IK: variants seen among roughly 807,000 people sequenced by gnomAD.
IK encodes the protein protein Red.
Under a neutral mutation model 90.9 loss-of-function variants are expected in IK, and 47 were observed. The ratio of observed to expected loss-of-function variants is 0.52; its 90% CI spans 0.41 to 0.66. The LOEUF (loss-of-function observed/expected upper bound fraction) is 0.66. Among genes scored for constraint, IK ranks in the 30% least tolerant of loss-of-function variants. The pLI, the probability that IK is intolerant of heterozygous loss-of-function variation, is 0.00. For synonymous variants in IK, 201 were observed against 227.5 expected (o/e 0.88, Z 1.05); for missense variants, 385 against 709.3 (o/e 0.54, Z 5.19).
At chr5:140,656,170 C>G (rs190942121) in intron 9 of IK, among the ~76,000 whole-genome samples, 178 bp downstream of exon 9, 1 of 152,310 alleles carries the variant, frequency 6.6e-6, no homozygotes, top group East Asian at 1.9e-4. Flanking sequence ...CCAGTCTAAG[C>G]TATAATCATT....
chr5:140,662,117 C>T, intron 18 of IK, 62 bp from the exon 19 acceptor site: 2 of 1,605,860 alleles, frequency 1.2e-6, no homozygotes, highest in Middle Eastern at 1.7e-4. Flanking sequence ...AGAGGTCAGC[C>T]TTGGGCCTCA....
At chr5:140,659,359 A>T (rs1757764400) in intron 13 of IK, 26 bp downstream of exon 13, 9 of 1,613,506 alleles carry the variant, frequency 5.6e-6, no homozygotes, top group Non-Finnish European at 7.6e-6. Flanking sequence ...AGCATCTCAC[A>T]GTTGCTCTAG....
rs748476681 is a variant in IK, at chr5:140,653,144, C to T, written c.404C>T (p.Ala135Val). Residue 135 changes from alanine to valine, a missense_variant and splice_region_variant, in exon 5 of 20, where the codon GCG (alanine) becomes GTG (valine). By Grantham distance (64) the Ala-to-Val change is moderately conservative. Coordinates refer to ENST00000417647, the MANE Select transcript of IK (RefSeq NM_006083.4). ...AGGGCTGTTGGCCCCACTGCTGAGG[C>T]GTGAGTACTGAGGGAACAGGGCATG... Reference protein sequence around the residue: ...NYRAVGPTAEADKSAAEKRRQ... With the variant: ...NYRAVGPTAEVDKSAAEKRRQ... 5 of 1,613,078 alleles carry T rather than the reference C, an allele frequency of 3.1e-6. No individual in the cohort carries two copies. Among genetic ancestry groups the T allele is most frequent in the Non-Finnish European group, 4.2e-6 (5 of 1,179,266 alleles).
At chr5:140,653,890 A>C (rs1238415673) in intron 5 of IK, 48 bp from the exon 6 acceptor site, 4 of 1,201,994 alleles carry the variant, frequency 3.3e-6, no homozygotes, top group East Asian at 4.8e-5. Flanking sequence ...GGCGTGATCC[A>C]CCACGCCTGG....
At position 140,661,891 on chromosome 5, in the gene IK, T is replaced by G; in HGVS notation, c.1503-8T>G. 6.2e-7 allele frequency: 1 copy of G among 1,601,768 alleles called. No homozygotes were observed. The highest frequency in any genetic ancestry group is 8.5e-7 in the Non-Finnish European group (1 of 1,173,918). On this transcript the variant is annotated splice_region_variant and splice_polypyrimidine_tract_variant and intron_variant, in intron 17 of 19. Coordinates refer to ENST00000417647, the MANE Select transcript of IK (RefSeq NM_006083.4). This position sits in a 1 kb window ranked among gnomAD's most constrained non-coding sequence, Gnocchi z 4.2. The stretch of plus-strand genomic sequence containing the variant: ...TCTGATGCATTCTTTCCCAACTGCT[T>G]TTTTCAGGGCTGCATTCCAGTATGG...
Position 140,648,493 on chromosome 5 carries a change from G to C in IK, c.39G>C (p.Leu13Phe), listed in dbSNP as rs1215642067. The C allele has an allele frequency of 6.2e-7, 1 of 1,613,924 alleles. No individual in the cohort carries two copies. The highest frequency in any genetic ancestry group is 8.5e-7 in the Non-Finnish European group (1 of 1,179,864). Reference sequence around the variant, plus strand: ...CAGGTGAGCCGTTCTCCAACCCTTTGGCCCCCGATGGCCACGATGTGGATG... The same window carrying C: ...CAGGTGAGCCGTTCTCCAACCCTTTCGCCCCCGATGGCCACGATGTGGATG... ...ERDSEPFSNP[L>F]APDGHDVDDP... is the part of the protein sequence containing the mutation. Residue 13 changes from leucine to phenylalanine, a missense_variant, in exon 2 of 20, where the codon TTG becomes TTC. Coordinates refer to ENST00000417647, the MANE Select transcript of IK (RefSeq NM_006083.4).
chr5:140,653,563 G>A (rs1162986599), intron 5 of IK, among the ~76,000 whole-genome samples: 5 of 151,048 alleles, frequency 3.3e-5, no homozygotes, highest in Non-Finnish European at 5.9e-5. Flanking sequence ...GATTACAGGC[G>A]TGAGCCACCG....
intron 1 of IK, chr5:140,648,190 G>T (rs768494158): frequency 1.4e-6 from 1 of 704,554 alleles, no homozygotes; most frequent in South Asian, 1.5e-5. Context: ...CCCCAGTCCT[G>T]TCCCCATACT....
At chr5:140,659,273 C>T in intron 12 of IK, 42 bp from the exon 13 acceptor site, 3 of 1,613,588 alleles carry the variant, frequency 1.9e-6, no homozygotes, top group East Asian at 4.5e-5. Context: ...GAGTAGGAAT[C>T]TCTCATGGTA....
chr5:140,648,574 G>A (rs759845690), intron 2 of IK, 37 bp downstream of exon 2: 3 of 1,579,750 alleles, frequency 1.9e-6, no homozygotes, highest in Non-Finnish European at 1.7e-6. Flanking sequence ...AAATGAGTTG[G>A]GCAATGAATA....
chr5:140,651,941 T>C lies in IK; in HGVS notation c.176+135T>C, dbSNP rs1017405371. 6 of 818,868 alleles carry C rather than the reference T, an allele frequency of 7.3e-6. No homozygotes were observed. In the African/African-American group the frequency reaches 1.0e-4, roughly 14 times the overall value. 50.7% of individuals were successfully genotyped at this position (818,868 alleles called of 1,614,324 possible). On this transcript the variant is annotated intron_variant, in intron 3 of 19. Transcript: ENST00000417647. ...CTCTAAAGTTTGAGAACTGCCCACC[T>C]ACAAATATTGGTGTGGATTTCTGCT...
At chr5:140,651,595 C>T (rs934500715) in intron 2 of IK, 119 bp from the exon 3 acceptor site, 73 of 600,804 alleles carry the variant, frequency 1.2e-4, no homozygotes, top group Non-Finnish European at 1.6e-4. Context: ...AAAACAGTGT[C>T]ATATCTTTGT....
At position 140,657,679 on chromosome 5, in the gene IK, A is replaced by G. The variant is rs1179479146; in HGVS notation, c.910+17A>G. ...AGGATAAAGGTACCTGGAGGGTTAG[A>G]GAGAGAAGCCTTACCCACAGAGGAC... On this transcript the variant is annotated intron_variant, in intron 10 of 19. Transcript: ENST00000417647. The G allele has an allele frequency of 6.5e-7, 1 of 1,543,398 alleles. No homozygotes were observed. Among genetic ancestry groups the G allele is most frequent in the East Asian group, 2.2e-5 (1 of 44,538 alleles).
At chr5:140,652,486 G>C (rs565082102) in intron 4 of IK, among the ~76,000 whole-genome samples, 1 of 152,076 alleles carries the variant, frequency 6.6e-6, no homozygotes, top group Non-Finnish European at 1.5e-5. Flanking sequence ...CCAATGCCTG[G>C]CATATGGTAA....
At chr5:140,653,499 G>A (rs1227490099) in intron 5 of IK, among the ~76,000 whole-genome samples, 1 of 150,918 alleles carries the variant, frequency 6.6e-6, no homozygotes, top group African/African-American at 2.4e-5. Context: ...TGTTAGCCAG[G>A]CTGGTCTCGA....
Position 140,661,394 on chromosome 5 carries a change from C to T in IK, c.1414-226C>T. 1 of 495,562 alleles carries T rather than the reference C, an allele frequency of 2.0e-6. No individual in the cohort carries two copies. Among genetic ancestry groups the T allele is most frequent in the Non-Finnish European group, 3.6e-6 (1 of 277,886 alleles). The allele number at this position is 495,562 out of a possible 1,614,324, so 30.7% of individuals were successfully genotyped here. A position where few individuals can be genotyped will look rare whatever the true frequency, so the allele number is the denominator to read the frequency against. On this transcript the variant is annotated intron_variant, in intron 16 of 19. Coordinates refer to ENST00000417647, the MANE Select transcript of IK (RefSeq NM_006083.4). The surrounding 1 kb of genome is among the most constrained non-coding windows in gnomAD (Gnocchi z 4.2). ...AGGAAAATGGAGAGAAATATAGTTC[C>T]CTCTTCATAGATTTTATGAGAATTA...
chr5:140,648,224 T>A (rs1441892627), intron 1 of IK: 6 of 704,168 alleles, frequency 8.5e-6, no homozygotes, highest in Non-Finnish European at 1.3e-5. Flanking sequence ...CGCGTATTTA[T>A]CTTTTACGTA....
At chr5:140,658,225 C>T (rs958453241) in intron 10 of IK, among the ~76,000 whole-genome samples, 5 of 152,140 alleles carry the variant, frequency 3.3e-5, no homozygotes, top group Admixed American at 2.0e-4. Context: ...TGGCTGGCCT[C>T]GAACTCCTGA....
intron 6 of IK, 62 bp from the exon 7 acceptor site, chr5:140,654,454 T>C: frequency 8.3e-7 from 1 of 1,203,240 alleles, no homozygotes. Flanking sequence ...TACAGTGTGG[T>C]GTAGTGGATG....
Sources: allele counts gnomAD v4.1 joint callset (sites outside exome capture counted in the v4.1 genomes callset), GRCh38; gene constraint gnomAD v4.1.1; non-coding constraint Gnocchi (gnomAD v3.1); transcripts MANE v1.5; gene names NCBI Gene and HGNC (gene_info 2026-07-23, HGNC 2026-07-21).